Variants in MAP3K5 observed in about 807,000 individuals in gnomAD.
The protein encoded by MAP3K5 is mitogen-activated protein kinase kinase kinase 5, also known as ASK-1.
In MAP3K5, 56 loss-of-function variants were observed where a neutral mutation model predicts 158.7. The ratio of observed to expected loss-of-function variants is 0.35; its 90% confidence interval spans 0.28 to 0.44. The LOEUF is 0.44. Among genes scored for constraint, MAP3K5 ranks in the 20% least tolerant of loss-of-function variants. The pLI, the probability that MAP3K5 is intolerant of heterozygous loss-of-function variation, is 1.00. For synonymous variants in MAP3K5, 579 were observed against 601.7 expected, an observed-to-expected ratio of 0.96 and a Z score of 0.55; for missense variants, 1,294 against 1,674.8, an observed-to-expected ratio of 0.77 and a Z score of 3.97.
intron 15 of MAP3K5, among the ~76,000 whole-genome samples, 200 bp downstream of exon 15, chr6:136,622,648 G>A (rs1235320337): frequency 6.6e-6 from 1 of 152,136 alleles, no homozygotes; most frequent in Non-Finnish European, 1.5e-5. Flanking sequence ...CTCTTTTCTA[G>A]TCTTTGAAAG....
chr6:136,643,687 C>T (rs1189941024), intron 11 of MAP3K5, among the ~76,000 whole-genome samples: 2 of 152,170 alleles, frequency 1.3e-5, no homozygotes, highest in Admixed American at 1.3e-4. Context: ...AAGCTAGTTT[C>T]AGTGCATGTC....
chr6:136,596,455 G>A (rs1775634788), intron 21 of MAP3K5, among the ~76,000 whole-genome samples: 1 of 152,208 alleles, frequency 6.6e-6, no homozygotes, highest in Admixed American at 6.5e-5. Context: ...TGGAGATCTG[G>A]AGACACTGTA....
At chr6:136,667,040 G>C (rs574975962) in intron 8 of MAP3K5, among the ~76,000 whole-genome samples, 40 of 152,122 alleles carry the variant, frequency 2.6e-4, no homozygotes, top group Admixed American at 1.6e-3. Context: ...ATCTTAATAA[G>C]TATTTACCTT....
chr6:136,595,888 T>C (rs1188166416), intron 21 of MAP3K5, among the ~76,000 whole-genome samples: 2 of 152,142 alleles, frequency 1.3e-5, no homozygotes, highest in Non-Finnish European at 1.5e-5. Context: ...TGTGTGCCTG[T>C]AGTGACAGCT....
intron 1 of MAP3K5, among the ~76,000 whole-genome samples, chr6:136,722,136 T>C (rs2114786249): frequency 6.6e-6 from 1 of 152,330 alleles, no homozygotes; most frequent in African/African-American, 2.4e-5. Flanking sequence ...GTTGTGGATG[T>C]CAACCAAATA....
At chr6:136,698,440 A>C in intron 4 of MAP3K5, 49 bp downstream of exon 4, 1 of 1,493,180 alleles carries the variant, frequency 6.7e-7, no homozygotes, top group Non-Finnish European at 9.3e-7. Context: ...AAAGATGTAG[A>C]ATAACACTTT....
At chr6:136,643,615 G>C (rs1276544509) in intron 11 of MAP3K5, among the ~76,000 whole-genome samples, 1 of 152,162 alleles carries the variant, frequency 6.6e-6, no homozygotes, top group Non-Finnish European at 1.5e-5. Context: ...ATAATTCTTT[G>C]CTAGGTCCAT....
At chr6:136,759,218 T>C (rs1783631312) in intron 1 of MAP3K5, among the ~76,000 whole-genome samples, 1 of 152,002 alleles carries the variant, frequency 6.6e-6, no homozygotes, top group African/African-American at 2.4e-5. Flanking sequence ...TGTTACTCTA[T>C]ATAGCCTTAC....
rs1214152994 is a variant in MAP3K5 at position 136,677,132 on chromosome 6, A to ATT, written c.1254-7739_1254-7738dup. Among the ~76,000 whole-genome samples, 620 of 93,312 alleles carry ATT rather than the reference A, an allele frequency of 6.6e-3. 8 individuals carry two copies. Among genetic ancestry groups the ATT allele is most frequent in the African/African-American group, 0.015 (299 of 19,642 alleles). 61.2% of individuals were successfully genotyped at this position (93,312 alleles called of 152,430 possible). ...AGATGTTAAAATAATGATGATATCC[A>ATT]TTTTTTTTTTTTTTTTTTTTTTTGA... On this transcript the variant is annotated intron_variant, in intron 7 of 29. Coordinates refer to ENST00000359015, the MANE Select transcript of MAP3K5 (RefSeq NM_005923.4).
chr6:136,648,158 A>C (rs1173764918), intron 11 of MAP3K5, among the ~76,000 whole-genome samples: 1 of 152,202 alleles, frequency 6.6e-6, no homozygotes, highest in Non-Finnish European at 1.5e-5. Context: ...GTCCTTTGGC[A>C]AGGAAGTTTT....
rs1281791220 is a variant in MAP3K5, at chr6:136,562,497, A to G, written c.3874+6T>C. The G allele has an allele frequency of 3.4e-6, 5 of 1,491,158 alleles. No homozygotes were observed. In the South Asian group the frequency reaches 3.7e-5, roughly 11 times the overall value. The allele number at this position is 1,491,158 out of a possible 1,614,324, so 92.4% of individuals were successfully genotyped here. ...CAGTATTACTATAAAACTTTCTGCT[A>G]TTCACCTATGGGTTGGGACTTAAGC... On this transcript the variant is annotated splice_donor_region_variant and intron_variant, in intron 27 of 29. Transcript: ENST00000359015.
intron 14 of MAP3K5, among the ~76,000 whole-genome samples, chr6:136,624,707 G>A (rs6570086): frequency 0.026 from 3,938 of 152,076 alleles, 160 homozygotes; most frequent in East Asian, 0.15. Context: ...GAATTACACA[G>A]TAATTTTTTA....
intron 1 of MAP3K5, among the ~76,000 whole-genome samples, chr6:136,787,451 T>C (rs1427594260): frequency 1.3e-5 from 2 of 151,368 alleles, no homozygotes; most frequent in African/African-American, 4.8e-5. Flanking sequence ...ATGCTGTCAT[T>C]TTAAAGTACA....
At chr6:136,628,714 T>C (rs564787885) in intron 14 of MAP3K5, among the ~76,000 whole-genome samples, 1 of 152,318 alleles carries the variant, frequency 6.6e-6, no homozygotes, top group Admixed American at 6.5e-5. Context: ...CTGACTCCTG[T>C]TAAACAAAAT....
chr6:136,681,866 C>G (rs1315339180), intron 7 of MAP3K5, among the ~76,000 whole-genome samples: 1 of 152,094 alleles, frequency 6.6e-6, no homozygotes, highest in East Asian at 1.9e-4. Context: ...TTGCAGTGAG[C>G]CAAGATCGTG....
At chr6:136,777,881 A>AG (rs1784461114) in intron 1 of MAP3K5, among the ~76,000 whole-genome samples, 1 of 152,144 alleles carries the variant, frequency 6.6e-6, no homozygotes, top group Admixed American at 6.5e-5. Flanking sequence ...CACATCATCA[A>AG]CAAGCAAGCA....
At chr6:136,662,511 TTC>T (rs1402184861) in intron 8 of MAP3K5, among the ~76,000 whole-genome samples, 3 of 151,902 alleles carry the variant, frequency 2.0e-5, no homozygotes, top group African/African-American at 7.3e-5. Flanking sequence ...GTCTCTTCCT[TTC>T]TCTCTCTCCC....
chr6:136,606,180 G>A (rs1413321691), intron 18 of MAP3K5, among the ~76,000 whole-genome samples: 1 of 152,116 alleles, frequency 6.6e-6, no homozygotes, highest in Non-Finnish European at 1.5e-5. Context: ...GTGAAACCCT[G>A]TCTCTACTAA....
intron 1 of MAP3K5, among the ~76,000 whole-genome samples, chr6:136,731,620 A>C (rs1213162774): frequency 2.6e-5 from 4 of 152,230 alleles, no homozygotes; most frequent in Non-Finnish European, 5.9e-5. Flanking sequence ...GGTACCATGC[A>C]CATGTTCCAG....
Sources: gnomAD v4.1 joint callset for allele counts (sites outside exome capture counted in the v4.1 genomes callset) on GRCh38, gnomAD v4.1.1 for gene constraint, MANE v1.5 for transcripts, NCBI Gene and HGNC (gene_info 2026-07-23, HGNC 2026-07-21) for gene names.